EYA4: variants seen among roughly 807,000 people sequenced by gnomAD.
EYA4 encodes the protein protein phosphatase EYA4.
EYA4 carries 31 observed loss-of-function variants against 87.9 expected under a neutral mutation model. The ratio of observed to expected loss-of-function variants is 0.35; its 90% CI spans 0.27 to 0.48. EYA4 has a LOEUF of 0.48. Among genes scored for constraint, EYA4 ranks in the 20% least tolerant of loss-of-function variants. EYA4 has a pLI of 0.99. For synonymous variants in EYA4, 263 were observed against 270.6 expected, an observed-to-expected ratio of 0.97 and a Z score of 0.28; for missense variants, 678 against 761.4, an observed-to-expected ratio of 0.89 and a Z score of 1.29.
chr6:133,337,041 C>A (rs771028934), intron 2 of EYA4, among the ~76,000 whole-genome samples: 8 of 152,140 alleles, frequency 5.3e-5, no homozygotes, highest in Non-Finnish European at 1.2e-4. Context: ...ATCTAAAATC[C>A]CAATCTGCGA....
intron 6 of EYA4, among the ~76,000 whole-genome samples, chr6:133,457,082 T>C (rs1399359820): frequency 1.3e-5 from 2 of 151,784 alleles, no homozygotes; most frequent in East Asian, 3.9e-4. Context: ...CTCTCTGGGT[T>C]TAAAAAACTC....
chr6:133,481,377 G>A, intron 11 of EYA4, 86 bp from the exon 12 acceptor site: 2 of 1,313,302 alleles, frequency 1.5e-6, no homozygotes, highest in Non-Finnish European at 2.2e-6. Context: ...TATTGTATAG[G>A]AATTTGTTAA....
At chr6:133,310,683 G>A (rs149801726) in intron 2 of EYA4, among the ~76,000 whole-genome samples, 115 of 152,208 alleles carry the variant, frequency 7.6e-4, no homozygotes, top group African/African-American at 2.7e-3. Flanking sequence ...GGAGTCTTGG[G>A]GAAAACTAAA....
chr6:133,346,015 G>A (rs1472166277), intron 2 of EYA4, among the ~76,000 whole-genome samples: 1 of 152,172 alleles, frequency 6.6e-6, no homozygotes, highest in Non-Finnish European at 1.5e-5. Context: ...TCCAGGAGGC[G>A]ATAGACACTT....
At chr6:133,348,675 C>T (rs1220257868) in intron 2 of EYA4, among the ~76,000 whole-genome samples, 1 of 152,272 alleles carries the variant, frequency 6.6e-6, no homozygotes, top group Middle Eastern at 3.4e-3. Context: ...TAGACCTCTT[C>T]CCTGATCTGT....
chr6:133,398,121 G>A (rs548695542), intron 3 of EYA4, among the ~76,000 whole-genome samples: 4 of 152,178 alleles, frequency 2.6e-5, no homozygotes, highest in East Asian at 1.9e-4. Flanking sequence ...AAAAGAAAAG[G>A]GGGGGAGGAC....
intron 3 of EYA4, among the ~76,000 whole-genome samples, chr6:133,393,508 T>C (rs1192373983): frequency 6.6e-6 from 1 of 151,992 alleles, no homozygotes; most frequent in Non-Finnish European, 1.5e-5. Context: ...AGGAAATGAA[T>C]GAGTGAGCCA....
intron 2 of EYA4, among the ~76,000 whole-genome samples, chr6:133,372,737 A>G (rs1785367751): frequency 6.6e-6 from 1 of 151,606 alleles, no homozygotes; most frequent in Non-Finnish European, 1.5e-5. Flanking sequence ...TTATCAATGT[A>G]TTGTTCTAGA....
At chr6:133,479,405 G>T (rs1040542294) in intron 11 of EYA4, among the ~76,000 whole-genome samples, 2 of 152,118 alleles carry the variant, frequency 1.3e-5, no homozygotes, top group Admixed American at 6.6e-5. Context: ...ATAATATTTG[G>T]AGCACAGGCA....
chr6:133,417,920 T>C (rs1789879582), intron 3 of EYA4, among the ~76,000 whole-genome samples: 1 of 152,198 alleles, frequency 6.6e-6, no homozygotes, highest in African/African-American at 2.4e-5. Context: ...CTGAATTTTC[T>C]TCTGTGGTGA....
chr6:133,300,499 ATG>A lies in EYA4; in HGVS notation c.33+25688_33+25689del, dbSNP rs1779318456. Among the ~76,000 whole-genome samples, 5 of 152,102 alleles carry A rather than the reference ATG, an allele frequency of 3.3e-5. No homozygotes were observed. In the South Asian group the frequency reaches 1.0e-3, roughly 32 times the overall value. ...TATTAATCACAAATATTTGTACAAA[ATG>A]TATTGTTGTTGTTATTATTATTATT... is the stretch of plus-strand genomic sequence containing the variant. On this transcript the variant is annotated intron_variant, in intron 2 of 19. Transcript: ENST00000355286.
chr6:133,423,817 C>T (rs556600692), intron 3 of EYA4, among the ~76,000 whole-genome samples: 2 of 152,280 alleles, frequency 1.3e-5, no homozygotes, highest in African/African-American at 4.8e-5. Context: ...CTTATTGTTA[C>T]GGGATCTTTG....
intron 3 of EYA4, among the ~76,000 whole-genome samples, chr6:133,426,028 A>T (rs891557621): frequency 6.6e-6 from 1 of 150,880 alleles, no homozygotes; most frequent in Non-Finnish European, 1.5e-5. Context: ...CTGTCCATCC[A>T]TCTTCTGGAA....
chr6:133,363,412 A>G (rs1784601617), intron 2 of EYA4: 1 of 151,846 alleles, frequency 6.6e-6, no homozygotes, highest in African/African-American at 2.4e-5. Context: ...TGAAACAGGT[A>G]TATTCCTTTA....
chr6:133,322,717 A>G (rs1215798678), intron 2 of EYA4, among the ~76,000 whole-genome samples: 3 of 152,212 alleles, frequency 2.0e-5, no homozygotes, highest in African/African-American at 4.8e-5. Context: ...CTTAACTACT[A>G]TAACCTACTA....
chr6:133,339,823 C>A (rs1272210039), intron 2 of EYA4, among the ~76,000 whole-genome samples: 2 of 152,078 alleles, frequency 1.3e-5, no homozygotes, highest in African/African-American at 2.4e-5. Flanking sequence ...TTATAGGTAG[C>A]CAAAGTGGAT....
chr6:133,451,958 T>A (rs978809494), intron 5 of EYA4, among the ~76,000 whole-genome samples: 1 of 152,184 alleles, frequency 6.6e-6, no homozygotes. Context: ...TTTGTAGATT[T>A]TTTTTTAGAA....
At chr6:133,491,951 C>CAAAAAAAAAAAAAAAA (rs34316449) in intron 13 of EYA4, among the ~76,000 whole-genome samples, 59 of 83,696 alleles carry the variant, frequency 7.0e-4, no homozygotes, top group African/African-American at 2.6e-3. Context: ...AACTCCGTCT[C>CAAAAAAAAAAAAAAAA]AAAAAAAAAA....
At chr6:133,469,006 T>C (rs1169168553) in intron 11 of EYA4, among the ~76,000 whole-genome samples, 2 of 152,078 alleles carry the variant, frequency 1.3e-5, no homozygotes, top group Non-Finnish European at 2.9e-5. Context: ...TGTGAAGAAC[T>C]TGCAACAAAG....
Sources: gnomAD v4.1 joint callset for allele counts (sites outside exome capture counted in the v4.1 genomes callset) on GRCh38, gnomAD v4.1.1 for gene constraint, MANE v1.5 for transcripts, NCBI Gene and HGNC (gene_info 2026-07-23, HGNC 2026-07-21) for gene names.